The following CPQ variants were observed in gnomAD, a reference collection of about 807,000 sequenced individuals.
CPQ encodes Ser-Met dipeptidase.
In CPQ, 37 loss-of-function variants were observed where a neutral mutation model predicts 45.7. That is an observed-to-expected ratio of 0.81 (90% CI 0.62 to 1.07). The LOEUF (loss-of-function observed/expected upper bound fraction) is 1.07, where lower values mean the gene tolerates loss of function less well. CPQ is among the 50% of genes least tolerant of loss of function. The probability of loss-of-function intolerance (pLI) is 0.00; values close to 1 mark genes in which losing one functional copy is unlikely to be tolerated. For missense variants in CPQ, 537 were observed against 572.9 expected (o/e 0.94, Z 0.64); for synonymous variants, 186 against 205.8 (o/e 0.90, Z 0.82).
At chr8:96,804,287 C>CA (rs1811048715) in intron 2 of CPQ, among the ~76,000 whole-genome samples, 1 of 152,084 alleles carries the variant, frequency 6.6e-6, no homozygotes, top group African/African-American at 2.4e-5. Flanking sequence ...TGTGCTCTCA[C>CA]ACTTCTTAGG....
At chr8:97,022,294 T>C (rs563025511) in intron 5 of CPQ, among the ~76,000 whole-genome samples, 124 of 152,254 alleles carry the variant, frequency 8.1e-4, no homozygotes, top group African/African-American at 2.9e-3. Context: ...GAAGATAACA[T>C]TGGAAAAACC....
At chr8:96,845,852 CT>C (rs1436720591) in intron 3 of CPQ, among the ~76,000 whole-genome samples, 1 of 152,124 alleles carries the variant, frequency 6.6e-6, no homozygotes, top group African/African-American at 2.4e-5. Context: ...CGGAGTTTCA[CT>C]CTTGTTGCCT....
intron 7 of CPQ, among the ~76,000 whole-genome samples, chr8:97,122,951 T>TA (rs1354851835): frequency 0.033 from 2,019 of 60,656 alleles, 338 homozygotes; most frequent in East Asian, 0.29. Context: ...TAAAATAAAA[T>TA]AAAATAAAAT....
At chr8:97,012,395 G>T (rs1321452008) in intron 5 of CPQ, among the ~76,000 whole-genome samples, 2 of 152,164 alleles carry the variant, frequency 1.3e-5, no homozygotes, top group Non-Finnish European at 2.9e-5. Context: ...AAATGTTGGG[G>T]CATGTTCTTG....
intron 7 of CPQ, chr8:97,132,794 G>C (rs1183081782): frequency 1.3e-5 from 2 of 152,240 alleles, no homozygotes; most frequent in Non-Finnish European, 2.9e-5. Flanking sequence ...TGTGGACAGA[G>C]CTGCAGAAAG....
chr8:96,893,334 G>A (rs957299627), intron 4 of CPQ, among the ~76,000 whole-genome samples: 2 of 152,162 alleles, frequency 1.3e-5, no homozygotes, highest in East Asian at 1.9e-4. Flanking sequence ...TGTGCAGGAC[G>A]CTATGTTATA....
Position 96,799,992 on chromosome 8 carries a change from A to G in CPQ, c.433+14662A>G, listed in dbSNP as rs141155135. 1.8e-3 allele frequency among the ~76,000 whole-genome samples: 278 copies of G among 152,336 alleles called. 2 individuals are homozygous for G. Among genetic ancestry groups the G allele is most frequent in the African/African-American group, 6.5e-3 (270 of 41,584 alleles). Reference sequence around the variant, plus strand: ...AAACATGACCTAAGAAGCATAAATTAAAAGACAAAAATATTGCTGAATTTG... The same window carrying G: ...AAACATGACCTAAGAAGCATAAATTGAAAGACAAAAATATTGCTGAATTTG... On this transcript the variant is annotated intron_variant, in intron 2 of 7. Coordinates refer to ENST00000220763, the MANE Select transcript of CPQ (RefSeq NM_016134.4).
intron 7 of CPQ, among the ~76,000 whole-genome samples, chr8:97,111,172 TTGGG>T (rs1811492925): frequency 6.6e-6 from 1 of 152,226 alleles, no homozygotes; most frequent in Non-Finnish European, 1.5e-5. Flanking sequence ...TCATTATTCC[TTGGG>T]TGTGCCTGAT....
At position 96,658,384 on chromosome 8, in the gene CPQ, C is replaced by G. The variant is rs1005144708; in HGVS notation, c.-35+12982C>G. ...CAAATTTGAGGTCTACCACCATCAC[C>G]TATGTGACTTTGGGCCAAACACATA... On this transcript the variant is annotated intron_variant, in intron 1 of 7. Transcript: ENST00000220763. Among the ~76,000 whole-genome samples, 6 of 152,366 alleles carry G rather than the reference C, an allele frequency of 3.9e-5. No individual in the cohort carries two copies. In the South Asian group the frequency reaches 1.0e-3, roughly 26 times the overall value.
chr8:96,787,525 CTTTTTTTTTTTTTTTTTT>C (rs71267281), intron 2 of CPQ, among the ~76,000 whole-genome samples: 33 of 47,592 alleles, frequency 6.9e-4, no homozygotes, highest in Non-Finnish European at 1.2e-3. Context: ...CTTATAATGT[CTTTTTTTTTTTTTTTTTT>C]TTTTTTTTTT....
chr8:97,037,218 C>A (rs1328999674), intron 6 of CPQ, among the ~76,000 whole-genome samples: 1 of 152,152 alleles, frequency 6.6e-6, no homozygotes, highest in Non-Finnish European at 1.5e-5. Context: ...GTTAGAAATG[C>A]TTTTGAGACT....
chr8:96,923,882 G>C (rs967978250), intron 4 of CPQ, among the ~76,000 whole-genome samples: 19 of 152,336 alleles, frequency 1.2e-4, no homozygotes, highest in East Asian at 5.8e-4. Flanking sequence ...GTTTAGTCCT[G>C]CTGGGAATTT....
At chr8:96,983,332 T>C (rs955448211) in intron 5 of CPQ, among the ~76,000 whole-genome samples, 1 of 152,208 alleles carries the variant, frequency 6.6e-6, no homozygotes, top group Admixed American at 6.5e-5. Context: ...CTCTAAGTAC[T>C]AGTTTAGCTG....
At chr8:96,757,354 G>GATGATA (rs955805768) in intron 1 of CPQ, among the ~76,000 whole-genome samples, 9 of 139,402 alleles carry the variant, frequency 6.5e-5, no homozygotes, top group African/African-American at 2.4e-4. Context: ...CCATCTCAAT[G>GATGATA]ATAATAATAA....
chr8:97,024,353 T>C (rs1809760280), intron 5 of CPQ, among the ~76,000 whole-genome samples: 2 of 152,090 alleles, frequency 1.3e-5, no homozygotes, highest in African/African-American at 2.4e-5. Flanking sequence ...AGTGTGCAGA[T>C]TGTTTCTCGG....
intron 7 of CPQ, among the ~76,000 whole-genome samples, chr8:97,120,612 T>C (rs1811684974): frequency 6.6e-6 from 1 of 152,188 alleles, no homozygotes; most frequent in Admixed American, 6.5e-5. Flanking sequence ...CTAACCTGGA[T>C]GGAAAGATGA....
At chr8:97,107,804 A>G (rs1811428476) in intron 7 of CPQ, among the ~76,000 whole-genome samples, 1 of 151,362 alleles carries the variant, frequency 6.6e-6, no homozygotes. Context: ...AAGAGAAATA[A>G]CATGTTTGCT....
intron 1 of CPQ, among the ~76,000 whole-genome samples, chr8:96,729,695 G>A (rs1482962593): frequency 2.6e-5 from 4 of 151,980 alleles, no homozygotes; most frequent in Non-Finnish European, 5.9e-5. Flanking sequence ...CTGCATAACT[G>A]TAATACTATT....
rs58066422 is a variant in CPQ at position 97,028,226 on chromosome 8, C to T, written c.962-1177C>T. 9.3e-3 allele frequency among the ~76,000 whole-genome samples: 1,412 copies of T among 152,334 alleles called. 22 individuals carry two copies. The highest frequency in any genetic ancestry group is 0.032 in the African/African-American group (1,321 of 41,568). On this transcript the variant is annotated intron_variant, in intron 5 of 7. Coordinates refer to ENST00000220763, the MANE Select transcript of CPQ (RefSeq NM_016134.4). The stretch of plus-strand genomic sequence containing the variant: ...TCAATTTCATGAAAAACTGTAGCTC[C>T]TCCTTTTCAGCTCCTTAGGCTTAGG...
Sources: allele counts gnomAD v4.1 joint callset (sites outside exome capture counted in the v4.1 genomes callset), GRCh38; gene constraint gnomAD v4.1.1; transcripts MANE v1.5; gene names NCBI Gene and HGNC (gene_info 2026-07-23, HGNC 2026-07-21).